NSD2: variants seen among roughly 807,000 people sequenced by gnomAD.
The protein encoded by NSD2 is nuclear receptor binding SET domain protein 2.
NSD2 carries 12 observed loss-of-function variants against 139.0 expected under a neutral mutation model. The ratio of observed to expected loss-of-function variants is 0.09; its 90% CI spans 0.06 to 0.14. The LOEUF is 0.14. Ranked by LOEUF, NSD2 falls within the 10% of genes least tolerant of loss-of-function variation. The pLI is 1.00. For synonymous variants in NSD2, 669 were observed against 648.7 expected (o/e 1.03, Z -0.48); for missense variants, 1,155 against 1,745.0 (o/e 0.66, Z 6.02).
At chr4:1,975,565 G>C (rs1297660137) in intron 20 of NSD2, 165 bp downstream of exon 20, 2 of 618,080 alleles carry the variant, frequency 3.2e-6, no homozygotes, top group Non-Finnish European at 5.7e-6. Context: ...TCTCAACAAA[G>C]GCCAGTGGTT....
At chr4:1,878,164 G>A (rs1204629906) in intron 1 of NSD2, among the ~76,000 whole-genome samples, 4 of 144,346 alleles carry the variant, frequency 2.8e-5, no homozygotes, top group African/African-American at 7.7e-5. Flanking sequence ...GGGTTCAAGC[G>A]GTTCTCCTGC....
At chr4:1,951,277 A>G in intron 10 of NSD2, 74 bp downstream of exon 10, 3 of 1,594,802 alleles carry the variant, frequency 1.9e-6, no homozygotes, top group Non-Finnish European at 2.6e-6. Context: ...GCGAATTTGT[A>G]GTGTCTTTTC....
intron 11 of NSD2, among the ~76,000 whole-genome samples, 200 bp downstream of exon 11, chr4:1,952,431 A>G (rs1258467028): frequency 6.6e-6 from 1 of 151,996 alleles, no homozygotes; most frequent in Non-Finnish European, 1.5e-5. Context: ...CTCTGATTTC[A>G]GTCGTATGTG....
chr4:1,875,802 G>A (rs11937964), intron 1 of NSD2, among the ~76,000 whole-genome samples: 1 of 151,694 alleles, frequency 6.6e-6, no homozygotes, highest in Non-Finnish European at 1.5e-5. Context: ...CCAGCTACTC[G>A]GGAGGCTGAG....
At chr4:1,885,615 C>T (rs1715027515) in intron 1 of NSD2, among the ~76,000 whole-genome samples, 1 of 151,974 alleles carries the variant, frequency 6.6e-6, no homozygotes. Flanking sequence ...ACACATCATG[C>T]TGGAGTGTGG....
intron 1 of NSD2, among the ~76,000 whole-genome samples, chr4:1,894,479 C>G (rs914639672): frequency 1.1e-4 from 17 of 151,916 alleles, no homozygotes; most frequent in African/African-American, 4.1e-4. Flanking sequence ...TTGAGACCAG[C>G]CTGGGCAATG....
At chr4:1,959,859 AT>A (rs869287697) in intron 17 of NSD2, 119 bp downstream of exon 17, 24 of 1,389,014 alleles carry the variant, frequency 1.7e-5, no homozygotes, top group Non-Finnish European at 2.1e-5. Flanking sequence ...TGGAAAAAAA[AT>A]TTTTTTTGTT....
chr4:1,945,656 G>A, intron 9 of NSD2: 1 of 1,063,988 alleles, frequency 9.4e-7, no homozygotes, highest in South Asian at 4.6e-5. Flanking sequence ...ATGGAAGCCA[G>A]TATAAGCATT....
At position 1,948,131 on chromosome 4, in the gene NSD2, G is replaced by C. The variant is rs190285879; in HGVS notation, c.1882-2941G>C. 15 of 1,061,242 alleles carry C rather than the reference G, an allele frequency of 1.4e-5. No individual in the cohort carries two copies. In the African/African-American group the frequency reaches 1.8e-4, roughly 13 times the overall value. 65.7% of individuals were successfully genotyped at this position (1,061,242 alleles called of 1,614,324 possible). ...ACTATCTTATTCTGAGTAGAGAGTG[G>C]AGAAAGTATTTTCAGACTGAAGAAA... On this transcript the variant is annotated intron_variant, in intron 9 of 21. Coordinates refer to ENST00000508803, the MANE Select transcript of NSD2 (RefSeq NM_001042424.3). The surrounding 1 kb of genome is among the most constrained non-coding windows in gnomAD (Gnocchi z 4.5).
At position 1,918,528 on chromosome 4, in the gene NSD2, C is replaced by G. The variant is rs1024984881; in HGVS notation, c.1315C>G (p.Pro439Ala). 1 of 1,613,856 alleles carries G rather than the reference C, an allele frequency of 6.2e-7. No individual in the cohort carries two copies. The highest frequency in any genetic ancestry group is 1.7e-5 in the Admixed American group (1 of 59,970). ...ADPRRGVGSP[P>A]GRKKTTVSMP... ...CCCCAGAAGAGGAGTAGGGTCTCCT[C>G]CTGGGAGGAAGAAGACCACAGTCTC... The change falls in exon 5 of 22, where the codon CCT (proline) becomes GCT (alanine). Residue 439 changes from proline (P) to alanine (A), a missense_variant. Physicochemically the swap from Pro to Ala is conservative, Grantham distance 27. This residue lies in a region of NSD2 where 420 missense variants were observed against 469.0 expected (regional missense o/e 0.90). Coordinates refer to ENST00000508803, the MANE Select transcript of NSD2 (RefSeq NM_001042424.3).
At chr4:1,891,007 C>T (rs1715491471) in intron 1 of NSD2, among the ~76,000 whole-genome samples, 1 of 152,188 alleles carries the variant, frequency 6.6e-6, no homozygotes, top group African/African-American at 2.4e-5. Flanking sequence ...GGTCTTCCCA[C>T]CTCAGCTTCC....
chr4:1,882,520 TG>T (rs1213514341), intron 1 of NSD2, among the ~76,000 whole-genome samples: 2 of 152,032 alleles, frequency 1.3e-5, no homozygotes, highest in Non-Finnish European at 2.9e-5. Flanking sequence ...AAAAATTATC[TG>T]GGCGTGGTGG....
intron 5 of NSD2, among the ~76,000 whole-genome samples, chr4:1,926,395 C>T (rs868609978): frequency 1.1e-4 from 16 of 150,732 alleles, no homozygotes; most frequent in East Asian, 2.0e-4. Flanking sequence ...CCTCGTGATC[C>T]GCCTGCCTCA....
chr4:1,926,190 C>G (rs1010168914), intron 5 of NSD2, among the ~76,000 whole-genome samples: 1 of 143,042 alleles, frequency 7.0e-6, no homozygotes, highest in Admixed American at 7.0e-5. Flanking sequence ...TAGTCTCGCA[C>G]TGTTGCCAGG....
At chr4:1,917,297 G>A (rs78296547) in intron 4 of NSD2, among the ~76,000 whole-genome samples, 4,808 of 151,998 alleles carry the variant, frequency 0.032, 246 homozygotes, top group African/African-American at 0.11. Flanking sequence ...ATATATGTAC[G>A]TATATATGTG....
intron 1 of NSD2, among the ~76,000 whole-genome samples, chr4:1,896,666 C>T (rs945362948): frequency 7.3e-5 from 11 of 150,128 alleles, no homozygotes; most frequent in African/African-American, 2.8e-4. Context: ...TGTGCCCGGC[C>T]TCCCTCCCTC....
intron 18 of NSD2, 112 bp downstream of exon 18, chr4:1,961,263 C>A (rs1577551758): frequency 1.2e-6 from 1 of 824,870 alleles, no homozygotes; most frequent in Non-Finnish European, 1.9e-6. Context: ...GTCTCCTTAG[C>A]TGCTTATTTT....
In NSD2 at chr4:1,974,304, G is replaced by A. The variant is rs1007747524; in HGVS notation, c.3373-559G>A. Among the ~76,000 whole-genome samples the A allele has an allele frequency of 6.6e-6, 1 of 151,534 alleles. No homozygotes were observed. Among genetic ancestry groups the A allele is most frequent in the Non-Finnish European group, 1.5e-5 (1 of 67,894 alleles). On this transcript the variant is annotated intron_variant, in intron 18 of 21. Coordinates refer to ENST00000508803, the MANE Select transcript of NSD2 (RefSeq NM_001042424.3). The surrounding 1 kb of genome is among the most constrained non-coding windows in gnomAD (Gnocchi z 4.0). ...CCACTCTCTGTAACCTCCGCCTCCC[G>A]GGTTCAAGTGATTCTCCTGCCTCAG...
intron 11 of NSD2, chr4:1,952,858 T>C: frequency 7.7e-7 from 1 of 1,304,306 alleles, no homozygotes. Flanking sequence ...CTATCTCACG[T>C]CAGAACACTT....
Sources: allele counts gnomAD v4.1 joint callset (sites outside exome capture counted in the v4.1 genomes callset), GRCh38; gene constraint gnomAD v4.1.1; regional missense constraint gnomAD v4.1.1; non-coding constraint Gnocchi (gnomAD v3.1); transcripts MANE v1.5; gene names NCBI Gene and HGNC (gene_info 2026-07-23, HGNC 2026-07-21).